TXNDC16: variants seen among roughly 807,000 people sequenced by gnomAD.
TXNDC16 encodes thioredoxin domain-containing protein 16.
Under a neutral mutation model 85.6 loss-of-function variants are expected in TXNDC16, and 74 were observed. That is an observed-to-expected ratio of 0.86 (90% CI 0.72 to 1.05). The LOEUF (loss-of-function observed/expected upper bound fraction) is 1.05. Ranked by LOEUF, TXNDC16 falls within the 50% of genes least tolerant of loss-of-function variation. The pLI is 0.00. For missense variants in TXNDC16, 959 were observed against 947.0 expected, an observed-to-expected ratio of 1.01 and a Z score of -0.17; for synonymous variants, 335 against 326.5, an observed-to-expected ratio of 1.03 and a Z score of -0.28.
intron 1 of TXNDC16, among the ~76,000 whole-genome samples, chr14:52,544,874 G>T (rs2037909396): frequency 6.6e-6 from 1 of 151,998 alleles, no homozygotes; most frequent in African/African-American, 2.4e-5. Flanking sequence ...ATATAAAAAT[G>T]CAATTTTAAT....
rs145739414 is a variant in TXNDC16, at chr14:52,542,517, G to T, written c.161-64C>A. 34 of 1,135,466 alleles carry T rather than the reference G, an allele frequency of 3.0e-5. No homozygotes were observed. In the African/African-American group the frequency reaches 4.1e-4, roughly 14 times the overall value. 70.3% of individuals were successfully genotyped at this position (1,135,466 alleles called of 1,614,324 possible). On this transcript the variant is annotated intron_variant, in intron 3 of 20. Coordinates refer to ENST00000281741, the MANE Select transcript of TXNDC16 (RefSeq NM_020784.3). The stretch of plus-strand genomic sequence containing the variant: ...CCCTTAAAAATGAATTTTAAAATCT[G>T]CAAACACAGAATAGATTCATTTGTC...
chr14:52,488,610 C>T (rs1455937724), intron 11 of TXNDC16, 124 bp from the exon 12 acceptor site: 46 of 669,292 alleles, frequency 6.9e-5, no homozygotes, highest in East Asian at 1.4e-4. Flanking sequence ...TCGAGGCAGG[C>T]GGATCATCTG....
intron 16 of TXNDC16, among the ~76,000 whole-genome samples, chr14:52,466,170 A>C (rs1466585194): frequency 1.3e-5 from 2 of 151,908 alleles, no homozygotes; most frequent in African/African-American, 4.8e-5. Context: ...AGGTAATATG[A>C]ATCCATAACA....
At chr14:52,480,851 A>G (rs145659036) in intron 14 of TXNDC16, among the ~76,000 whole-genome samples, 27 of 151,704 alleles carry the variant, frequency 1.8e-4, no homozygotes, top group African/African-American at 6.3e-4. Flanking sequence ...TGAAAAAGAT[A>G]CTTGCACACG....
At chr14:52,479,930 A>G (rs2036107242) in intron 14 of TXNDC16, among the ~76,000 whole-genome samples, 1 of 152,132 alleles carries the variant, frequency 6.6e-6, no homozygotes, top group African/African-American at 2.4e-5. Flanking sequence ...ATAAGGCCAG[A>G]GTCACCAAAA....
At position 52,508,056 on chromosome 14, in the gene TXNDC16, T is replaced by G. The variant is rs537320923; in HGVS notation, c.756+3184A>C. Among the ~76,000 whole-genome samples, 1,398 of 152,106 alleles carry G rather than the reference T, an allele frequency of 9.2e-3. 18 individuals are homozygous for G. Among genetic ancestry groups the G allele is most frequent in the African/African-American group, 0.032 (1,338 of 41,504 alleles). ...AAAGCAATGGCAACAAAAGACAAAA[T>G]TGACAAATGGGATCTAATTAAACTA... On this transcript the variant is annotated intron_variant, in intron 9 of 20. Transcript: ENST00000281741.
At chr14:52,549,922 C>A (rs2140237853) in intron 1 of TXNDC16, among the ~76,000 whole-genome samples, 1 of 152,254 alleles carries the variant, frequency 6.6e-6, no homozygotes, top group Middle Eastern at 3.4e-3. Flanking sequence ...CAGGCGTGAG[C>A]CACCATGCCC....
At chr14:52,486,258 A>G (rs1468085325) in intron 12 of TXNDC16, among the ~76,000 whole-genome samples, 1 of 144,542 alleles carries the variant, frequency 6.9e-6, no homozygotes, top group Admixed American at 7.0e-5. Context: ...TAACATACAC[A>G]CTATTTTCAG....
At chr14:52,458,224 T>C (rs181918978) in intron 16 of TXNDC16, among the ~76,000 whole-genome samples, 483 of 152,288 alleles carry the variant, frequency 3.2e-3, no homozygotes, top group African/African-American at 0.01. Context: ...CTAGAGTAGC[T>C]CAGTAGGCAG....
chr14:52,449,155 G>A (rs1212521306), intron 18 of TXNDC16, among the ~76,000 whole-genome samples: 1 of 148,996 alleles, frequency 6.7e-6, no homozygotes, highest in Non-Finnish European at 1.5e-5. Flanking sequence ...AATGGCTGAA[G>A]AGATTAAAAA....
intron 6 of TXNDC16, among the ~76,000 whole-genome samples, chr14:52,529,218 A>G (rs777640750): frequency 1.3e-5 from 2 of 149,896 alleles, no homozygotes; most frequent in African/African-American, 2.4e-5. Context: ...TCAGCAAACT[A>G]TCGCAAGGAC....
intron 1 of TXNDC16, among the ~76,000 whole-genome samples, chr14:52,549,035 T>C (rs1168270549): frequency 6.6e-6 from 1 of 152,204 alleles, no homozygotes; most frequent in Non-Finnish European, 1.5e-5. Flanking sequence ...AAAATGCAAT[T>C]GACTATTACC....
Position 52,455,407 on chromosome 14 carries a change from C to G in TXNDC16, c.1759G>C (p.Gly587Arg). ...GCTAGTGGGATGCTCTCTATTTTGC[C>G]TTCTGTGTGTCTGGCAAGCAGCAGG... ...PALLLARHTE[G>R]KIESIPLAST... Residue 587 changes from glycine (G) to arginine (R), a missense_variant, in exon 18 of 21, where the codon GGC becomes CGC. By Grantham distance (125) the Gly-to-Arg change is moderately radical (BLOSUM62 -2). Transcript: ENST00000281741. 3 of 1,613,944 alleles carry G rather than the reference C, an allele frequency of 1.9e-6. No homozygotes were observed. The highest frequency in any genetic ancestry group is 1.7e-6 in the Non-Finnish European group (2 of 1,179,930).
At chr14:52,476,047 C>T (rs530799365) in intron 14 of TXNDC16, among the ~76,000 whole-genome samples, 1 of 152,290 alleles carries the variant, frequency 6.6e-6, no homozygotes, top group South Asian at 2.1e-4. Flanking sequence ...GCCTGGTAGA[C>T]TTGCTGGGTG....
At chr14:52,485,422 GAC>G (rs2036246306) in intron 12 of TXNDC16, among the ~76,000 whole-genome samples, 1 of 152,162 alleles carries the variant, frequency 6.6e-6, no homozygotes, top group African/African-American at 2.4e-5. Flanking sequence ...AGTAAGCTAA[GAC>G]AAATTATTGA....
chr14:52,537,992 G>A (rs1594764633), intron 4 of TXNDC16, among the ~76,000 whole-genome samples: 1 of 152,326 alleles, frequency 6.6e-6, no homozygotes, highest in Non-Finnish European at 1.5e-5. Flanking sequence ...TTGGAATGAT[G>A]AAAGCATCTC....
intron 3 of TXNDC16, 65 bp from the exon 4 acceptor site, chr14:52,542,518 C>T: frequency 8.9e-7 from 1 of 1,126,166 alleles, no homozygotes; most frequent in Middle Eastern, 2.3e-4. Context: ...TTAAAATCTG[C>T]AAACACAGAA....
chr14:52,444,537 C>T (rs1169453725), intron 18 of TXNDC16, among the ~76,000 whole-genome samples: 1 of 152,124 alleles, frequency 6.6e-6, no homozygotes, highest in Non-Finnish European at 1.5e-5. Flanking sequence ...TTTATTATAG[C>T]TGTTCAGTAT....
At chr14:52,533,463 T>C (rs1019683117) in intron 6 of TXNDC16, among the ~76,000 whole-genome samples, 2 of 152,134 alleles carry the variant, frequency 1.3e-5, no homozygotes, top group African/African-American at 4.8e-5. Flanking sequence ...TCAAACCCCA[T>C]AGACATATCT....
Sources: gnomAD v4.1 joint callset for allele counts (sites outside exome capture counted in the v4.1 genomes callset) on GRCh38, gnomAD v4.1.1 for gene constraint, MANE v1.5 for transcripts, NCBI Gene and HGNC (gene_info 2026-07-23, HGNC 2026-07-21) for gene names.